AKAP13: variants seen among roughly 807,000 people sequenced by gnomAD.
The protein encoded by AKAP13 is A-kinase anchoring protein 13, also known as A-kinase anchor protein 13.
Under a neutral mutation model 264.5 loss-of-function variants are expected in AKAP13, and 80 were observed. The ratio of observed to expected loss-of-function variants is 0.30; its 90% CI spans 0.25 to 0.36. AKAP13 has a LOEUF of 0.36. Among genes scored for constraint, AKAP13 ranks in the 10% least tolerant of loss-of-function variants. The pLI is 1.00. For missense variants in AKAP13, 3,712 were observed against 3,435.2 expected (o/e 1.08, Z -2.01); for synonymous variants, 1,380 against 1,250.2 (o/e 1.10, Z -2.19).
chr15:85,656,886 A>T (rs1356375338), intron 11 of AKAP13, among the ~76,000 whole-genome samples: 1 of 152,224 alleles, frequency 6.6e-6, no homozygotes, highest in Admixed American at 6.5e-5. Context: ...AGTAAAACAG[A>T]TAAGGGATGA....
At chr15:85,677,034 T>G in intron 14 of AKAP13, 1 of 985,462 alleles carries the variant, frequency 1.0e-6, no homozygotes, top group Non-Finnish European at 1.2e-6. Context: ...CGCTCCTCCT[T>G]AAGTCTAAAA....
At chr15:85,679,856 A>G (rs1488724350) in intron 14 of AKAP13, among the ~76,000 whole-genome samples, 1 of 152,258 alleles carries the variant, frequency 6.6e-6, no homozygotes, top group Non-Finnish European at 1.5e-5. Context: ...TCATGGAAGT[A>G]GCATTGGTTG....
intron 8 of AKAP13, among the ~76,000 whole-genome samples, chr15:85,631,516 A>T (rs879322100): frequency 0.17 from 6,948 of 39,754 alleles, 360 homozygotes; most frequent in East Asian, 0.57. Context: ...ACACACACAC[A>T]CACACACACA....
At chr15:85,380,928 GT>G (rs2141812582) in intron 1 of AKAP13, 130 bp downstream of exon 1, 1 of 150,540 alleles carries the variant, frequency 6.6e-6, no homozygotes, top group East Asian at 2.0e-4. Context: ...GGCTGCGGGG[GT>G]TTCGGGGGCG....
intron 2 of AKAP13, among the ~76,000 whole-genome samples, chr15:85,516,139 G>T (rs553446672): frequency 6.6e-6 from 1 of 152,150 alleles, no homozygotes; most frequent in Admixed American, 6.5e-5. Flanking sequence ...GACAAAGCAG[G>T]TTTCTCAGTG....
intron 10 of AKAP13, among the ~76,000 whole-genome samples, chr15:85,651,917 G>T (rs1006626605): frequency 2.6e-5 from 4 of 152,314 alleles, no homozygotes; most frequent in Middle Eastern, 3.4e-3. Context: ...CTAAGAAACG[G>T]ATCTTTTCCC....
Position 85,533,840 on chromosome 15 carries a change from C to T in AKAP13, c.438C>T (p.Pro146=), listed in dbSNP as rs773338921. Residue 146 remains proline, a synonymous_variant, in exon 4 of 37, where the codon CCC becomes CCT. Coordinates refer to ENST00000394518, the MANE Select transcript of AKAP13 (RefSeq NM_007200.5). ...TGGCATTCAGGCACCTGAAGCTGCC[C>T]ACGGAGTGGAATGTATTGGGGACAG... ...LVLAFRHLKL[P]TEWNVLGTDQ... is the part of the protein sequence containing the mutation. 3 of 1,612,544 alleles carry T rather than the reference C, an allele frequency of 1.9e-6. No individual in the cohort carries two copies. The highest frequency in any genetic ancestry group is 1.3e-5 in the African/African-American group (1 of 74,866).
At chr15:85,635,946 A>G (rs2082053265) in intron 8 of AKAP13, among the ~76,000 whole-genome samples, 1 of 152,150 alleles carries the variant, frequency 6.6e-6, no homozygotes, top group African/African-American at 2.4e-5. Context: ...GCTGTTTAAT[A>G]TCACCCCGGT....
rs1288597588 is a variant in AKAP13 at position 85,741,510 on chromosome 15, T to G, written c.8058+15T>G. 7.7e-6 allele frequency: 12 copies of G among 1,559,560 alleles called. No individual in the cohort carries two copies. The highest frequency in any genetic ancestry group is 1.0e-5 in the Non-Finnish European group (12 of 1,150,484). On this transcript the variant is annotated intron_variant, in intron 35 of 36. Transcript: ENST00000394518. ...ACCTGTGTCAGGTAATGGGACTCCCTGCCGAGAGCAACCTAATGATGATAT... is the reference window on the plus strand; with the variant it reads ...ACCTGTGTCAGGTAATGGGACTCCCGGCCGAGAGCAACCTAATGATGATAT...
At position 85,555,883 on chromosome 15, in the gene AKAP13, C is replaced by G. The variant is rs114091330; in HGVS notation, c.662+11928C>G. ...TAACCTTATCTCTGAGAAATGGCTT[C>G]TAATTTGTGTTATTTTGCATTTGAA... On this transcript the variant is annotated intron_variant, in intron 5 of 36. Coordinates refer to ENST00000394518, the MANE Select transcript of AKAP13 (RefSeq NM_007200.5). Among the ~76,000 whole-genome samples, 1,403 of 152,262 alleles carry G rather than the reference C, an allele frequency of 9.2e-3. 15 individuals carry two copies. Among genetic ancestry groups the G allele is most frequent in the African/African-American group, 0.031 (1,298 of 41,530 alleles).
At chr15:85,631,815 T>C (rs988903048) in intron 8 of AKAP13, among the ~76,000 whole-genome samples, 3 of 152,204 alleles carry the variant, frequency 2.0e-5, no homozygotes, top group African/African-American at 7.2e-5. Context: ...ATACTATTTT[T>C]TGTATCAGCC....
intron 12 of AKAP13, among the ~76,000 whole-genome samples, 164 bp from the exon 13 acceptor site, chr15:85,664,399 G>GA (rs1404460385): frequency 3.9e-5 from 6 of 152,214 alleles, no homozygotes; most frequent in Non-Finnish European, 8.8e-5. Context: ...ATCTGTGGGG[G>GA]AAAGGTAGGT....
intron 8 of AKAP13, among the ~76,000 whole-genome samples, chr15:85,633,371 G>A (rs1354094789): frequency 6.6e-6 from 1 of 151,290 alleles, no homozygotes; most frequent in Non-Finnish European, 1.5e-5. Flanking sequence ...ATAGGGGCGG[G>A]GGGGGAGTAA....
chr15:85,482,807 G>A (rs139751175), intron 1 of AKAP13, among the ~76,000 whole-genome samples: 27 of 152,302 alleles, frequency 1.8e-4, no homozygotes, highest in African/African-American at 5.5e-4. Context: ...CCCGTTGTGT[G>A]CCAGCATTGT....
At chr15:85,728,549 G>A (rs538122118) in intron 29 of AKAP13, among the ~76,000 whole-genome samples, 1 of 152,328 alleles carries the variant, frequency 6.6e-6, no homozygotes, top group African/African-American at 2.4e-5. Flanking sequence ...TAGCAGGGGA[G>A]ACATACATCA....
rs376487830 is a variant in AKAP13 at position 85,465,107 on chromosome 15, A to ATT, written c.-11-20589_-11-20588dup. Among the ~76,000 whole-genome samples, 99 of 135,986 alleles carry ATT rather than the reference A, an allele frequency of 7.3e-4. 1 individual carries two copies. The highest frequency in any genetic ancestry group is 3.8e-3 in the Middle Eastern group (1 of 260). The allele number at this position is 135,986 out of a possible 152,430, so 89.2% of individuals were successfully genotyped here. ...AGGCGCCCACCACCACGCCTGGCTA[A>ATT]TTTTTTTTTTTTTTTGTATTTTTTT... On this transcript the variant is annotated intron_variant, in intron 1 of 36. Transcript: ENST00000394518.
At chr15:85,509,647 A>G (rs2076353658) in intron 2 of AKAP13, among the ~76,000 whole-genome samples, 1 of 152,200 alleles carries the variant, frequency 6.6e-6, no homozygotes, top group Non-Finnish European at 1.5e-5. Flanking sequence ...GGCAGCACAA[A>G]TGTAACTCAT....
At chr15:85,675,579 A>G (rs2084181397) in intron 14 of AKAP13, among the ~76,000 whole-genome samples, 1 of 152,188 alleles carries the variant, frequency 6.6e-6, no homozygotes. Context: ...GTGAACTCAC[A>G]GGTAGGGTTC....
chr15:85,439,785 C>A (rs1244615589), intron 1 of AKAP13, among the ~76,000 whole-genome samples: 4 of 128,932 alleles, frequency 3.1e-5, no homozygotes, highest in Non-Finnish European at 4.8e-5. Context: ...TCACATGGAC[C>A]CAGGAAGGGG....
Sources: gnomAD v4.1 joint callset for allele counts (sites outside exome capture counted in the v4.1 genomes callset) on GRCh38, gnomAD v4.1.1 for gene constraint, MANE v1.5 for transcripts, NCBI Gene and HGNC (gene_info 2026-07-23, HGNC 2026-07-21) for gene names.